The following CNTN4 variants were observed in gnomAD, a reference collection of about 807,000 sequenced individuals.
CNTN4 encodes contactin 4, also known as contactin-4.
A neutral mutation model predicts 122.5 loss-of-function variants in CNTN4; 77 were observed. The observed-to-expected ratio is 0.63, with a 90% CI of 0.52 to 0.76. The LOEUF (loss-of-function observed/expected upper bound fraction) is 0.76. Among genes scored for constraint, CNTN4 ranks in the 30% least tolerant of loss-of-function variants. The pLI is 0.00. For missense variants in CNTN4, 1,256 were observed against 1,259.1 expected (o/e 1.00, Z 0.04); for synonymous variants, 512 against 447.0 (o/e 1.15, Z -1.83).
At chr3:2,528,971 C>T (rs2077498307) in intron 3 of CNTN4, among the ~76,000 whole-genome samples, 2 of 152,224 alleles carry the variant, frequency 1.3e-5, no homozygotes, top group Admixed American at 6.5e-5. Flanking sequence ...AAAATCCTCT[C>T]TTCTAGCTTT....
chr3:2,521,343 T>TCCCCCCCCCCCCCCCCCCC (rs5846190), intron 3 of CNTN4, among the ~76,000 whole-genome samples: 5 of 128,310 alleles, frequency 3.9e-5, no homozygotes, highest in South Asian at 2.6e-4. Flanking sequence ...CCTCTACCCA[T>TCCCCCCCCCCCCCCCCCCC]CCCCCCCACC....
chr3:3,041,190 A>G (rs1266438330), intron 20 of CNTN4: 2 of 152,182 alleles, frequency 1.3e-5, no homozygotes, highest in Non-Finnish European at 2.9e-5. Flanking sequence ...GTCAGTGAAG[A>G]TGCAATAACT....
intron 6 of CNTN4, among the ~76,000 whole-genome samples, chr3:2,751,843 AT>A (rs542639420): frequency 1.6e-3 from 240 of 151,342 alleles, no homozygotes; most frequent in African/African-American, 4.7e-3. Context: ...ACAAATCCTC[AT>A]TTTTTTTTAA....
chr3:3,000,752 C>G (rs552359002), intron 14 of CNTN4, among the ~76,000 whole-genome samples: 3 of 152,248 alleles, frequency 2.0e-5, no homozygotes, highest in South Asian at 2.1e-4. Flanking sequence ...TGTTATCATT[C>G]TCTGATTTTA....
At chr3:2,880,294 A>G (rs957528870) in intron 8 of CNTN4, among the ~76,000 whole-genome samples, 1 of 152,162 alleles carries the variant, frequency 6.6e-6, no homozygotes, top group Non-Finnish European at 1.5e-5. Flanking sequence ...ATCTCCCTCT[A>G]ACACATGATA....
At chr3:2,811,087 T>C (rs776921123) in intron 6 of CNTN4, among the ~76,000 whole-genome samples, 19 of 151,788 alleles carry the variant, frequency 1.3e-4, no homozygotes, top group Non-Finnish European at 2.6e-4. Flanking sequence ...CAAGGGTACA[T>C]TGACTTAGGA....
At chr3:2,909,437 C>A (rs1351425711) in intron 12 of CNTN4, among the ~76,000 whole-genome samples, 3 of 144,334 alleles carry the variant, frequency 2.1e-5, no homozygotes, top group Admixed American at 2.1e-4. Context: ...TTTTTTTTTT[C>A]TCTTAGTATC....
chr3:2,222,111 C>T (rs1317015308), intron 2 of CNTN4, among the ~76,000 whole-genome samples: 3 of 152,058 alleles, frequency 2.0e-5, no homozygotes, highest in Admixed American at 1.3e-4. Context: ...ATGTTTATAA[C>T]AGCATGATTC....
At chr3:2,259,503 A>G (rs1033506255) in intron 2 of CNTN4, among the ~76,000 whole-genome samples, 2 of 152,190 alleles carry the variant, frequency 1.3e-5, no homozygotes, top group Non-Finnish European at 2.9e-5. Context: ...TGGGTAATTT[A>G]TAAAGAAAAA....
At chr3:2,866,509 A>G (rs2093725284) in intron 7 of CNTN4, 1 of 1,326,360 alleles carries the variant, frequency 7.5e-7, no homozygotes, top group African/African-American at 1.5e-5. Flanking sequence ...GAGGTTGGAC[A>G]TCGCTTAATC....
intron 3 of CNTN4, among the ~76,000 whole-genome samples, chr3:2,450,603 C>G (rs1207310781): frequency 1.3e-5 from 2 of 152,006 alleles, no homozygotes; most frequent in African/African-American, 4.8e-5. Context: ...GTCACTTTGT[C>G]TCCTGTCCAG....
intron 2 of CNTN4, among the ~76,000 whole-genome samples, chr3:2,256,419 G>A (rs1186343924): frequency 1.3e-5 from 2 of 152,092 alleles, no homozygotes; most frequent in Non-Finnish European, 2.9e-5. Context: ...GAAAAAGAGG[G>A]AATCCTCCCT....
intron 2 of CNTN4, among the ~76,000 whole-genome samples, chr3:2,314,744 C>A (rs996580053): frequency 6.6e-6 from 1 of 151,558 alleles, no homozygotes; most frequent in Non-Finnish European, 1.5e-5. Context: ...CAATTATTAA[C>A]AAAATGAGAA....
intron 3 of CNTN4, among the ~76,000 whole-genome samples, chr3:2,483,073 C>A (rs1209802385): frequency 6.6e-6 from 1 of 152,148 alleles, no homozygotes; most frequent in African/African-American, 2.4e-5. Context: ...TCAATGCCAG[C>A]CTGTGAAAGC....
chr3:2,487,359 A>G (rs972311597), intron 3 of CNTN4, among the ~76,000 whole-genome samples: 1 of 152,200 alleles, frequency 6.6e-6, no homozygotes, highest in Non-Finnish European at 1.5e-5. Context: ...TAAGAAAGTA[A>G]CAAGAAGGAA....
chr3:2,394,135 A>C lies in CNTN4; in HGVS notation c.-89+54902A>C, dbSNP rs886814944. Among the ~76,000 whole-genome samples the C allele has an allele frequency of 8.7e-4, 132 of 152,144 alleles. 1 individual carries two copies. The highest frequency in any genetic ancestry group is 2.9e-3 in the African/African-American group (122 of 41,524). On this transcript the variant is annotated intron_variant, in intron 3 of 24. Transcript: ENST00000418658. ...ATTTTAGGCATATTAATGAACATGA[A>C]TTTGCAGAGTGTGTCGTTTAAAAAG...
chr3:2,622,998 T>C (rs543048837), intron 4 of CNTN4, among the ~76,000 whole-genome samples: 56 of 152,332 alleles, frequency 3.7e-4, no homozygotes, highest in African/African-American at 1.3e-3. Context: ...AGTTTTTCTG[T>C]AGCTATCAAG....
At chr3:2,913,200 G>A (rs1014706040) in intron 12 of CNTN4, among the ~76,000 whole-genome samples, 12 of 151,896 alleles carry the variant, frequency 7.9e-5, no homozygotes, top group East Asian at 1.9e-4. Context: ...TAAAAATCGA[G>A]GAATAAAAAT....
chr3:2,891,839 C>T (rs753621484), intron 10 of CNTN4, among the ~76,000 whole-genome samples: 35 of 152,060 alleles, frequency 2.3e-4, no homozygotes, highest in Admixed American at 1.3e-4. Context: ...GAGGGTGACT[C>T]GATTTGATTA....
Sources: allele counts gnomAD v4.1 joint callset (sites outside exome capture counted in the v4.1 genomes callset), GRCh38; gene constraint gnomAD v4.1.1; transcripts MANE v1.5; gene names NCBI Gene and HGNC (gene_info 2026-07-23, HGNC 2026-07-21).